Variants in TRAPPC9 observed in about 807,000 individuals in gnomAD.
TRAPPC9 encodes trafficking protein particle complex subunit 9.
TRAPPC9 carries 83 observed loss-of-function variants against 124.0 expected under a neutral mutation model. That is an observed-to-expected ratio of 0.67 (90% CI 0.56 to 0.80). The LOEUF (loss-of-function observed/expected upper bound fraction) is 0.80. Ranked by LOEUF, TRAPPC9 falls within the 30% of genes least tolerant of loss-of-function variation. TRAPPC9 has a pLI of 0.00. For missense variants in TRAPPC9, 1,302 were observed against 1,508.3 expected, an observed-to-expected ratio of 0.86 and a Z score of 2.27; for synonymous variants, 638 against 617.5, an observed-to-expected ratio of 1.03 and a Z score of -0.49.
intron 9 of TRAPPC9, among the ~76,000 whole-genome samples, chr8:140,317,615 A>G (rs553091825): frequency 2.0e-5 from 3 of 152,240 alleles, no homozygotes; most frequent in Non-Finnish European, 2.9e-5. Flanking sequence ...TGATAAGATT[A>G]TAAGTGATTT....
intron 21 of TRAPPC9, among the ~76,000 whole-genome samples, chr8:139,734,583 C>T (rs1004969928): frequency 2.0e-5 from 3 of 152,224 alleles, no homozygotes; most frequent in African/African-American, 7.2e-5. Context: ...GGCCTGTGCC[C>T]ATTCCCCATC....
intron 19 of TRAPPC9, among the ~76,000 whole-genome samples, chr8:139,966,709 G>C (rs1007050016): frequency 6.6e-6 from 1 of 152,102 alleles, no homozygotes; most frequent in African/African-American, 2.4e-5. Context: ...CCGGCCATAG[G>C]GGGTTGAGTC....
intron 17 of TRAPPC9, among the ~76,000 whole-genome samples, chr8:140,028,443 GACTT>G (rs1240740926): frequency 1.3e-5 from 2 of 152,194 alleles, no homozygotes; most frequent in Non-Finnish European, 2.9e-5. Flanking sequence ...TGCACTGAGT[GACTT>G]ACACACCCAA....
chr8:139,755,687 G>C (rs866310873), intron 21 of TRAPPC9, among the ~76,000 whole-genome samples: 4 of 140,698 alleles, frequency 2.8e-5, no homozygotes, highest in African/African-American at 8.3e-5. Flanking sequence ...GGAGGAGCTA[G>C]GGTTTGGGGA....
chr8:139,910,023 C>T, intron 20 of TRAPPC9, 124 bp downstream of exon 20: 1 of 1,148,768 alleles, frequency 8.7e-7, no homozygotes, highest in Non-Finnish European at 1.2e-6. Flanking sequence ...CATCTCCTTG[C>T]CACAGCATTT....
intron 15 of TRAPPC9, among the ~76,000 whole-genome samples, chr8:140,265,192 C>T (rs2064592385): frequency 6.6e-6 from 1 of 152,160 alleles, no homozygotes; most frequent in Non-Finnish European, 1.5e-5. Flanking sequence ...ACGCTGCCAC[C>T]CCAGGCCGCG....
At chr8:140,076,513 C>T (rs1254609283) in intron 17 of TRAPPC9, among the ~76,000 whole-genome samples, 1 of 152,210 alleles carries the variant, frequency 6.6e-6, no homozygotes, top group Non-Finnish European at 1.5e-5. Context: ...CAGAGGAGAG[C>T]GCCAGGCCTC....
intron 21 of TRAPPC9, among the ~76,000 whole-genome samples, chr8:139,769,204 C>CT (rs2130428291): frequency 6.6e-6 from 1 of 152,322 alleles, no homozygotes. Flanking sequence ...GTACTGAACC[C>CT]TATATACACT....
rs1163003990 is a variant in TRAPPC9 at position 140,360,042 on chromosome 8, T to C, written c.1495+8A>G. ...TGAAAAAAAACATTGTGGTTTGAGC[T>C]CACTCACCCTGATCCGACAAGAAGT... On this transcript the variant is annotated splice_region_variant and intron_variant, in intron 9 of 22. Coordinates refer to ENST00000438773, the MANE Select transcript of TRAPPC9 (RefSeq NM_001160372.4). 1 of 1,613,796 alleles carries C rather than the reference T, an allele frequency of 6.2e-7. No individual in the cohort carries two copies. The highest frequency in any genetic ancestry group is 8.5e-7 in the Non-Finnish European group (1 of 1,179,926).
At chr8:140,431,910 T>C (rs369336336) in intron 4 of TRAPPC9, among the ~76,000 whole-genome samples, 4 of 152,364 alleles carry the variant, frequency 2.6e-5, no homozygotes, top group African/African-American at 9.6e-5. Context: ...AAATCATGGC[T>C]GACTGCCTTC....
chr8:140,088,737 T>C (rs1844370141), intron 17 of TRAPPC9, among the ~76,000 whole-genome samples: 1 of 152,252 alleles, frequency 6.6e-6, no homozygotes, highest in Non-Finnish European at 1.5e-5. Flanking sequence ...TAGGGAATCA[T>C]ATCTCTCGTC....
chr8:139,911,671 C>T (rs920536459), intron 19 of TRAPPC9, among the ~76,000 whole-genome samples: 1 of 151,470 alleles, frequency 6.6e-6, no homozygotes, highest in Non-Finnish European at 1.5e-5. Context: ...TGCCACTGCA[C>T]TCCAGCCTAA....
chr8:140,014,563 G>C (rs546804525), intron 18 of TRAPPC9, among the ~76,000 whole-genome samples: 3 of 152,204 alleles, frequency 2.0e-5, no homozygotes, highest in African/African-American at 7.2e-5. Flanking sequence ...GAGCTAAGAG[G>C]CTCACTCTCC....
At chr8:139,827,256 C>T (rs1825701701) in intron 21 of TRAPPC9, among the ~76,000 whole-genome samples, 1 of 152,184 alleles carries the variant, frequency 6.6e-6, no homozygotes, top group Non-Finnish European at 1.5e-5. Flanking sequence ...AGGACAGGCA[C>T]CTTGGTTTCT....
At chr8:139,848,725 A>G (rs1827262213) in intron 21 of TRAPPC9, among the ~76,000 whole-genome samples, 1 of 152,182 alleles carries the variant, frequency 6.6e-6, no homozygotes, top group African/African-American at 2.4e-5. Flanking sequence ...TTAAAAAGAA[A>G]GACTCAGGAG....
chr8:140,272,534 G>A (rs140167532), intron 15 of TRAPPC9, among the ~76,000 whole-genome samples: 1 of 152,130 alleles, frequency 6.6e-6, no homozygotes, highest in Non-Finnish European at 1.5e-5. Flanking sequence ...AAAAGTAGCA[G>A]TGTATTAATT....
intron 6 of TRAPPC9, among the ~76,000 whole-genome samples, chr8:140,404,505 G>A (rs1359225758): frequency 6.6e-6 from 1 of 152,084 alleles, no homozygotes; most frequent in Non-Finnish European, 1.5e-5. Context: ...CACACTCTCT[G>A]AAAGAAGCAA....
chr8:139,900,077 T>C (rs940846310), intron 20 of TRAPPC9, among the ~76,000 whole-genome samples: 2 of 152,098 alleles, frequency 1.3e-5, no homozygotes, highest in African/African-American at 4.8e-5. Context: ...ACTCGCTGGG[T>C]CAAAACCCTT....
At position 140,155,709 on chromosome 8, in the gene TRAPPC9, C is replaced by T. The variant is rs552820846; in HGVS notation, c.2556+65750G>A. 1.8e-3 allele frequency among the ~76,000 whole-genome samples: 277 copies of T among 152,242 alleles called. 1 individual carries two copies. The highest frequency in any genetic ancestry group is 3.1e-3 in the Non-Finnish European group (212 of 68,004). ...TATTGACATGGGACCCCCTGGCTGT[C>T]CATCAATGTCCAAAAAAGCAGGATA... On this transcript the variant is annotated intron_variant, in intron 17 of 22. Coordinates refer to ENST00000438773, the MANE Select transcript of TRAPPC9 (RefSeq NM_001160372.4).
Sources: gnomAD v4.1 joint callset for allele counts (sites outside exome capture counted in the v4.1 genomes callset) on GRCh38, gnomAD v4.1.1 for gene constraint, MANE v1.5 for transcripts, NCBI Gene and HGNC (gene_info 2026-07-23, HGNC 2026-07-21) for gene names.